Variants in STAG1 observed in about 807,000 individuals in gnomAD.
STAG1 encodes the protein STAG1 cohesin complex component.
A neutral mutation model predicts 170.9 loss-of-function variants in STAG1; 26 were observed. The observed-to-expected ratio is 0.15, with a 90% CI of 0.11 to 0.21. The LOEUF (loss-of-function observed/expected upper bound fraction) is 0.21. STAG1 is among the 10% of genes least tolerant of loss of function. STAG1 has a pLI of 1.00. For synonymous variants in STAG1, 514 were observed against 497.7 expected, an observed-to-expected ratio of 1.03 and a Z score of -0.44; for missense variants, 964 against 1,509.5, an observed-to-expected ratio of 0.64 and a Z score of 5.99.
At chr3:136,742,016 T>C (rs1934695882) in intron 1 of STAG1, among the ~76,000 whole-genome samples, 2 of 152,166 alleles carry the variant, frequency 1.3e-5, no homozygotes, top group South Asian at 4.1e-4. Flanking sequence ...TCATAAGTTG[T>C]ACATGTCTTA....
chr3:136,589,026 G>A (rs1190931029), intron 4 of STAG1, among the ~76,000 whole-genome samples: 2 of 152,236 alleles, frequency 1.3e-5, no homozygotes, highest in East Asian at 3.9e-4. Context: ...CTCCCAAAGT[G>A]TTGGGATTAC....
Position 136,551,402 on chromosome 3 carries a change from T to C in STAG1, c.395-9207A>G, listed in dbSNP as rs577785093. ...CTCCCACCTCTGCAAGCTAGGACTA[T>C]AGGCAGGCATCAATACATCTGGCTA... is the stretch of plus-strand genomic sequence containing the variant. On this transcript the variant is annotated intron_variant, in intron 5 of 33. Coordinates refer to ENST00000383202, the MANE Select transcript of STAG1 (RefSeq NM_005862.3). Among the ~76,000 whole-genome samples, 260 of 146,128 alleles carry C rather than the reference T, an allele frequency of 1.8e-3. 1 individual carries two copies. The highest frequency in any genetic ancestry group is 5.5e-3 in the African/African-American group (219 of 39,460).
chr3:136,391,951 A>T (rs1330404494), intron 22 of STAG1, among the ~76,000 whole-genome samples: 1 of 152,230 alleles, frequency 6.6e-6, no homozygotes, highest in Admixed American at 6.5e-5. Flanking sequence ...TTTTCTTGAT[A>T]TAGTCTTCTC....
At chr3:136,402,512 G>A (rs756085490) in intron 21 of STAG1, among the ~76,000 whole-genome samples, 16 of 151,928 alleles carry the variant, frequency 1.1e-4, no homozygotes, top group Non-Finnish European at 1.9e-4. Context: ...CACCGTGCCC[G>A]GCCTAGCTGA....
rs1935778221 is a variant in STAG1 at position 136,338,183 on chromosome 3, C to T, written c.*71G>A. The T allele has an allele frequency of 1.9e-6, 2 of 1,026,630 alleles. No homozygotes were observed. Among genetic ancestry groups the T allele is most frequent in the South Asian group, 2.8e-5 (2 of 71,674 alleles). 63.6% of individuals were successfully genotyped at this position (1,026,630 alleles called of 1,614,324 possible). A position where few individuals can be genotyped will look rare whatever the true frequency, so the allele number is the denominator to read the frequency against. On this transcript the variant is annotated 3_prime_UTR_variant, in exon 34 of 34. Coordinates refer to ENST00000383202, the MANE Select transcript of STAG1 (RefSeq NM_005862.3). Reference sequence around the variant, plus strand: ...CACATCAAAAGTGTTTTTCCCCATACAAGCTATCACAGTATATAGGCCTCT... The same window carrying T: ...CACATCAAAAGTGTTTTTCCCCATATAAGCTATCACAGTATATAGGCCTCT...
At chr3:136,675,784 T>C (rs900654734) in intron 1 of STAG1, among the ~76,000 whole-genome samples, 1 of 152,054 alleles carries the variant, frequency 6.6e-6, no homozygotes, top group Non-Finnish European at 1.5e-5. Context: ...CATGAAATCA[T>C]ATATTATTAT....
At chr3:136,345,532 C>T (rs878992566) in intron 29 of STAG1, among the ~76,000 whole-genome samples, 4 of 144,240 alleles carry the variant, frequency 2.8e-5, no homozygotes, top group African/African-American at 1.1e-4. Context: ...TGAGCTCAAG[C>T]GATCCACCCA....
intron 2 of STAG1, 103 bp from the exon 3 acceptor site, chr3:136,623,351 T>G: frequency 1.1e-6 from 1 of 944,520 alleles, no homozygotes; most frequent in South Asian, 1.7e-5. Context: ...TAGAAGTGGT[T>G]TATACTTCTA....
chr3:136,607,041 C>T (rs976754638), intron 3 of STAG1, among the ~76,000 whole-genome samples: 28 of 152,008 alleles, frequency 1.8e-4, no homozygotes, highest in Non-Finnish European at 1.2e-4. Context: ...TGAGCCACCA[C>T]GCCCAGCCAG....
At chr3:136,601,040 T>C (rs1327774012) in intron 4 of STAG1, among the ~76,000 whole-genome samples, 1 of 152,020 alleles carries the variant, frequency 6.6e-6, no homozygotes, top group Non-Finnish European at 1.5e-5. Flanking sequence ...TTTGTATTTT[T>C]AGTAGAGACA....
chr3:136,521,073 A>G (rs1934647170), intron 7 of STAG1, 140 bp downstream of exon 7: 2 of 764,480 alleles, frequency 2.6e-6, no homozygotes, highest in Non-Finnish European at 4.1e-6. Flanking sequence ...GAAAACAGGC[A>G]TAAATTTTAA....
chr3:136,443,195 T>C (rs918514567), intron 15 of STAG1, 92 bp downstream of exon 15: 1 of 774,970 alleles, frequency 1.3e-6, no homozygotes, highest in African/African-American at 1.7e-5. Context: ...CATGCTTATA[T>C]ATGCTCATTT....
chr3:136,644,735 T>A (rs1940937166), intron 1 of STAG1, among the ~76,000 whole-genome samples: 1 of 152,132 alleles, frequency 6.6e-6, no homozygotes, highest in South Asian at 2.1e-4. Context: ...TCTGCTTTTA[T>A]TTTTTGAGAC....
At chr3:136,620,792 A>G (rs746870390) in intron 3 of STAG1, among the ~76,000 whole-genome samples, 8 of 152,200 alleles carry the variant, frequency 5.3e-5, no homozygotes, top group Non-Finnish European at 1.5e-5. Context: ...ACTGGTTGAC[A>G]TTTTTTCAAT....
At chr3:136,487,323 G>A (rs1293552090) in intron 9 of STAG1, among the ~76,000 whole-genome samples, 1 of 152,034 alleles carries the variant, frequency 6.6e-6, no homozygotes, top group Non-Finnish European at 1.5e-5. Context: ...TCCTTTTTAC[G>A]GCTGCATGGT....
intron 1 of STAG1, among the ~76,000 whole-genome samples, chr3:136,657,651 G>A (rs1030636062): frequency 3.9e-5 from 6 of 152,088 alleles, no homozygotes; most frequent in African/African-American, 1.4e-4. Flanking sequence ...GCAATACCCT[G>A]TCTCTACTAA....
In STAG1 at chr3:136,464,986, C is replaced by T; in HGVS notation, c.1208G>A (p.Gly403Glu). ...TTCATTGGAAAGAGCTTCTTCACTTCCACTGAAAAATACAGAAAGTAACAT... is the reference window on the plus strand; with the variant it reads ...TTCATTGGAAAGAGCTTCTTCACTTTCACTGAAAAATACAGAAAGTAACAT... ...AIRLVTLILH[G>E]SEEALSNEDC... The change falls in exon 13 of 34, where the codon GGA becomes GAA. Residue 403 changes from glycine (G) to glutamate (E), a missense_variant and splice_region_variant. Around this residue, in one of 11 missense-constraint regions of STAG1, gnomAD observed 162 missense variants for 211.2 expected, o/e 0.77. Coordinates refer to ENST00000383202, the MANE Select transcript of STAG1 (RefSeq NM_005862.3). 6.2e-7 allele frequency: 1 copy of T among 1,602,536 alleles called. No homozygotes were observed. Among genetic ancestry groups the T allele is most frequent in the Non-Finnish European group, 8.5e-7 (1 of 1,174,682 alleles).
chr3:136,524,502 C>T (rs1339016236), intron 6 of STAG1, among the ~76,000 whole-genome samples: 1 of 152,120 alleles, frequency 6.6e-6, no homozygotes, highest in African/African-American at 2.4e-5. Flanking sequence ...TGGGCTGAGA[C>T]AATGGGGTTT....
At chr3:136,610,443 T>C (rs1430235278) in intron 3 of STAG1, among the ~76,000 whole-genome samples, 1 of 152,246 alleles carries the variant, frequency 6.6e-6, no homozygotes, top group Non-Finnish European at 1.5e-5. Context: ...GTGGTATTCC[T>C]GTTTTCCCAA....
Sources: gnomAD v4.1 joint callset for allele counts (sites outside exome capture counted in the v4.1 genomes callset) on GRCh38, gnomAD v4.1.1 for gene constraint, gnomAD v4.1.1 regional missense constraint, MANE v1.5 for transcripts, NCBI Gene and HGNC (gene_info 2026-07-23, HGNC 2026-07-21) for gene names.